The following STARD9 variants were observed in gnomAD, a reference collection of about 807,000 sequenced individuals.
The protein encoded by STARD9 is StAR related lipid transfer domain containing 9.
Under a neutral mutation model 399.8 loss-of-function variants are expected in STARD9, and 346 were observed. The ratio of observed to expected loss-of-function variants is 0.87; its 90% CI spans 0.79 to 0.95. The LOEUF is 0.95. Ranked by LOEUF, STARD9 falls within the 40% of genes least tolerant of loss-of-function variation. The pLI, the probability that STARD9 is intolerant of heterozygous loss-of-function variation, is 0.00. For synonymous variants in STARD9, 2,203 were observed against 2,143.5 expected (o/e 1.03, Z -0.77); for missense variants, 5,832 against 5,667.5 (o/e 1.03, Z -0.93).
chr15:42,610,586 T>A (rs1369091506), intron 3 of STARD9, among the ~76,000 whole-genome samples: 5 of 152,228 alleles, frequency 3.3e-5, no homozygotes, highest in Admixed American at 6.5e-5. Flanking sequence ...CTCACTCTTG[T>A]CGCCCAGGCT....
At chr15:42,595,713 G>T (rs1293926133) in intron 3 of STARD9, among the ~76,000 whole-genome samples, 2 of 152,146 alleles carry the variant, frequency 1.3e-5, no homozygotes, top group African/African-American at 4.8e-5. Flanking sequence ...TCCATCACTA[G>T]TGCTGGTTTT....
Position 42,626,393 on chromosome 15 carries a change from T to C in STARD9, c.235-8463T>C, listed in dbSNP as rs572736554. On this transcript the variant is annotated intron_variant, in intron 3 of 32. Coordinates refer to ENST00000290607, the MANE Select transcript of STARD9 (RefSeq NM_020759.3). Reference sequence around the variant, plus strand: ...CTTCCTCCTCTTCCTCCTCTTCCTCTTCCTCCTCCTCTTCTTCCTCCTCCT... The same window carrying C: ...CTTCCTCCTCTTCCTCCTCTTCCTCCTCCTCCTCCTCTTCTTCCTCCTCCT... Among the ~76,000 whole-genome samples, 384 of 126,804 alleles carry C rather than the reference T, an allele frequency of 3.0e-3. 2 individuals are homozygous for C. Among genetic ancestry groups the C allele is most frequent in the African/African-American group, 0.012 (358 of 30,464 alleles). The allele number at this position is 126,804 out of a possible 152,430, so 83.2% of individuals were successfully genotyped here.
At chr15:42,716,105 C>T in intron 26 of STARD9, among the ~76,000 whole-genome samples, 1 of 152,062 alleles carries the variant, frequency 6.6e-6, no homozygotes. Flanking sequence ...CAGCAGAGGT[C>T]AAGGGTCCTA....
At position 42,705,641 on chromosome 15, in the gene STARD9, G is replaced by A. The variant is rs180793543; in HGVS notation, c.13284+9761G>A. Reference sequence around the variant, plus strand: ...ATTTTTAATAGAGATGGGGTTTTCAGTGTTGGCTAGGCTGGTCTCAAACTC... The same window carrying A: ...ATTTTTAATAGAGATGGGGTTTTCAATGTTGGCTAGGCTGGTCTCAAACTC... On this transcript the variant is annotated intron_variant, in intron 26 of 32. Coordinates refer to ENST00000290607, the MANE Select transcript of STARD9 (RefSeq NM_020759.3). 1.3e-3 allele frequency among the ~76,000 whole-genome samples: 200 copies of A among 152,178 alleles called. 1 individual carries two copies. Among genetic ancestry groups the A allele is most frequent in the Middle Eastern group, 6.8e-3 (2 of 294 alleles).
chr15:42,663,358 A>T lies in STARD9; in HGVS notation c.946A>T (p.Ser316Cys). The change falls in exon 12 of 33, where the codon AGC becomes TGC. Residue 316 changes from serine to cysteine, a missense_variant. Physicochemically the swap from Ser to Cys is moderately radical, Grantham distance 112 (BLOSUM62 -1). This residue lies in a region of STARD9 where 5,828 missense variants were observed against 5,651.1 expected (regional missense o/e 1.03). Transcript: ENST00000290607. ...VSNGGDSGIL[S>C]SPSGTSSGGA... ...CAATGGTGGTGACAGTGGGATCCTT[A>T]GCTCTCCTTCTGGGACCAGCAGTGG... The T allele has an allele frequency of 1.3e-6, 2 of 1,537,282 alleles. No individual in the cohort carries two copies. The highest frequency in any genetic ancestry group is 1.7e-6 in the Non-Finnish European group (2 of 1,146,912).
chr15:42,691,140 G>A lies in STARD9; in HGVS notation c.9562G>A (p.Asp3188Asn). The change falls in exon 23 of 33, where the codon GAT (aspartate) becomes AAT (asparagine). Residue 3188 changes from aspartate to asparagine, a missense_variant. Physicochemically the swap from Asp to Asn is conservative, Grantham distance 23. Transcript: ENST00000290607. ...STELRDHNRL[D>N]SQAKFVARLK... ...TGAGTTGAGGGATCACAATCGCTTGGATTCCCAAGCCAAGTTTGTAGCAAG... is the reference window on the plus strand; with the variant it reads ...TGAGTTGAGGGATCACAATCGCTTGAATTCCCAAGCCAAGTTTGTAGCAAG... 1 of 1,537,244 alleles carries A rather than the reference G, an allele frequency of 6.5e-7. No homozygotes were observed. The highest frequency in any genetic ancestry group is 8.7e-7 in the Non-Finnish European group (1 of 1,146,912).
chr15:42,717,034 A>G lies in STARD9; in HGVS notation c.13480A>G (p.Thr4494Ala). 6.5e-7 allele frequency: 1 copy of G among 1,537,144 alleles called. No homozygotes were observed. Among genetic ancestry groups the G allele is most frequent in the Non-Finnish European group, 8.7e-7 (1 of 1,146,872 alleles). Residue 4494 changes from threonine to alanine, a missense_variant, in exon 28 of 33, where the codon ACT becomes GCT. Transcript: ENST00000290607. Reference sequence around the variant, plus strand: ...GGATTTGGCCAAGCATGTCGTGGACACTTCTATGGCTGATGTGAGTAACTG... The same window carrying G: ...GGATTTGGCCAAGCATGTCGTGGACGCTTCTATGGCTGATGTGAGTAACTG... ...YQDLAKHVVD[T>A]SMADVMAACS... is the part of the protein sequence containing the mutation.
intron 7 of STARD9, among the ~76,000 whole-genome samples, chr15:42,649,477 C>T (rs2059714137): frequency 6.6e-6 from 1 of 151,798 alleles, no homozygotes; most frequent in Non-Finnish European, 1.5e-5. Context: ...AGTATTATTT[C>T]TCAGATATCC....
chr15:42,694,546 G>A lies in STARD9; in HGVS notation c.12783G>A (p.Glu4261=), dbSNP rs2060796857. The change falls in exon 24 of 33, where the codon GAG becomes GAA. Residue 4261 remains glutamate (E), a synonymous_variant. Transcript: ENST00000290607. ...GCCTCAGGCAAAAAAAGGCCATTGA[G>A]ACCCTCAGGAGAGAGCGGGCTGAGC... ...ELYARQKKAI[E]TLRRERAERL... The A allele has an allele frequency of 6.5e-7, 1 of 1,537,228 alleles. No homozygotes were observed. The highest frequency in any genetic ancestry group is 8.7e-7 in the Non-Finnish European group (1 of 1,146,916).
intron 1 of STARD9, among the ~76,000 whole-genome samples, chr15:42,577,152 T>C (rs551660795): frequency 6.6e-6 from 1 of 151,898 alleles, no homozygotes; most frequent in South Asian, 2.1e-4. Flanking sequence ...GGAATTTCTT[T>C]CTTTTTTCTT....
chr15:42,684,050 C>A (rs1595764919), intron 22 of STARD9, 66 bp from the exon 23 acceptor site: 3 of 1,458,342 alleles, frequency 2.1e-6, no homozygotes, highest in Admixed American at 2.3e-5. Flanking sequence ...TTGTTTTTAA[C>A]CTCCTTCTGT....
rs1480285905 is a variant in STARD9 at position 42,684,707 on chromosome 15, G to C, written c.3129G>C (p.Arg1043Ser). ...CTTCTCCAAGCAGGGCATCAAAAAGGCATCAGAGGGTTCTGGCAACTAGGG... is the reference window on the plus strand; with the variant it reads ...CTTCTCCAAGCAGGGCATCAAAAAGCCATCAGAGGGTTCTGGCAACTAGGG... ...KPPSPSRASK[R>S]HQRVLATRVR... Residue 1043 changes from arginine (R) to serine (S), a missense_variant, in exon 23 of 33, where the codon AGG (arginine) becomes AGC (serine). Coordinates refer to ENST00000290607, the MANE Select transcript of STARD9 (RefSeq NM_020759.3). 3 of 1,537,192 alleles carry C rather than the reference G, an allele frequency of 2.0e-6. No homozygotes were observed. The Admixed American group carries it at 5.9e-5, about 30-fold the overall frequency.
chr15:42,717,810 G>C lies in STARD9; in HGVS notation c.13559+15G>C, dbSNP rs1208765317. ...GCTGGCTGGAAGTAAGTTTGTTTAG[G>C]GTCCTTTGTACAGTGTCTGTCTTGG... On this transcript the variant is annotated intron_variant, in intron 29 of 32. Coordinates refer to ENST00000290607, the MANE Select transcript of STARD9 (RefSeq NM_020759.3). 1 of 1,536,734 alleles carries C rather than the reference G, an allele frequency of 6.5e-7. No homozygotes were observed. Among genetic ancestry groups the C allele is most frequent in the African/African-American group, 1.4e-5 (1 of 73,086 alleles).
chr15:42,716,408 ACTCT>A (rs1327203196), intron 26 of STARD9, among the ~76,000 whole-genome samples: 1 of 151,296 alleles, frequency 6.6e-6, no homozygotes, highest in African/African-American at 2.4e-5. Flanking sequence ...AGCACCCCAT[ACTCT>A]CAGGCCCTGG....
chr15:42,686,445 G>A lies in STARD9; in HGVS notation c.4867G>A (p.Glu1623Lys), dbSNP rs2060559080. ...AIPDSMTEAC[E>K]VKQNNLEECL... is the part of the protein sequence containing the mutation. ...ACCAGATTCCATGACAGAAGCATGT[G>A]AAGTCAAGCAGAACAACTTGGAAGA... Residue 1623 changes from glutamate to lysine, a missense_variant, in exon 23 of 33, where the codon GAA becomes AAA. Coordinates refer to ENST00000290607, the MANE Select transcript of STARD9 (RefSeq NM_020759.3). The A allele has an allele frequency of 1.3e-6, 2 of 1,537,680 alleles. No individual in the cohort carries two copies. The highest frequency in any genetic ancestry group is 2.7e-5 in the African/African-American group (2 of 73,036).
chr15:42,691,008 C>G lies in STARD9; in HGVS notation c.9430C>G (p.Leu3144Val), dbSNP rs1263349231. The change falls in exon 23 of 33, where the codon CTG (leucine) becomes GTG (valine). Residue 3144 changes from leucine (L) to valine (V), a missense_variant. Physicochemically the swap from Leu to Val is conservative, Grantham distance 32. Coordinates refer to ENST00000290607, the MANE Select transcript of STARD9 (RefSeq NM_020759.3). ...TGCAACAACTCAGGGACCACACACC[C>G]TGGATTTAAGTGAAGGGTCTGCTGA... Reference protein sequence around the residue: ...PPATTQGPHTLDLSEGSAESK... With the variant: ...PPATTQGPHTVDLSEGSAESK... The G allele has an allele frequency of 6.5e-7, 1 of 1,537,222 alleles. No individual in the cohort carries two copies.
intron 22 of STARD9, among the ~76,000 whole-genome samples, chr15:42,683,235 C>T (rs1220042790): frequency 2.0e-5 from 3 of 152,326 alleles, no homozygotes. Context: ...TGTGTTTGCT[C>T]ACCTCTCTGG....
chr15:42,598,422 T>A (rs2141733720), intron 3 of STARD9, among the ~76,000 whole-genome samples: 1 of 152,072 alleles, frequency 6.6e-6, no homozygotes, highest in African/African-American at 2.4e-5. Flanking sequence ...ACTCTGAGAT[T>A]ATAAATGTAT....
rs2060548997 is a variant in STARD9, at chr15:42,686,091, G to A, written c.4513G>A (p.Ala1505Thr). 2.0e-6 allele frequency: 3 copies of A among 1,537,204 alleles called. No homozygotes were observed. The highest frequency in any genetic ancestry group is 2.6e-6 in the Non-Finnish European group (3 of 1,146,890). Reference sequence around the variant, plus strand: ...TTGTCCTGTTTTGGAGGCCATAGGAGCACCCAAGCCAGCTTACCCCTACCT... The same window carrying A: ...TTGTCCTGTTTTGGAGGCCATAGGAACACCCAAGCCAGCTTACCCCTACCT... ...LSCPVLEAIGAPKPAYPYLEE... is the reference protein window; with the variant it reads ...LSCPVLEAIGTPKPAYPYLEE... The change falls in exon 23 of 33, where the codon GCA becomes ACA. Residue 1505 changes from alanine to threonine, a missense_variant. This residue lies in a region of STARD9 where 5,828 missense variants were observed against 5,651.1 expected (regional missense o/e 1.03). Transcript: ENST00000290607.
Sources: allele counts gnomAD v4.1 joint callset (sites outside exome capture counted in the v4.1 genomes callset), GRCh38; gene constraint gnomAD v4.1.1; regional missense constraint gnomAD v4.1.1; transcripts MANE v1.5; gene names NCBI Gene and HGNC (gene_info 2026-07-23, HGNC 2026-07-21).